LDLRAD3: variants seen among roughly 807,000 people sequenced by gnomAD.
LDLRAD3 encodes the protein low-density lipoprotein receptor class A domain-containing protein 3.
A neutral mutation model predicts 29.4 loss-of-function variants in LDLRAD3; 20 were observed. The ratio of observed to expected loss-of-function variants is 0.68; its 90% CI spans 0.48 to 0.99. The LOEUF is 0.99. Among genes scored for constraint, LDLRAD3 ranks in the 50% least tolerant of loss-of-function variants. The pLI, the probability that LDLRAD3 is intolerant of heterozygous loss-of-function variation, is 0.00. For synonymous variants in LDLRAD3, 157 were observed against 192.7 expected, an observed-to-expected ratio of 0.81 and a Z score of 1.53; for missense variants, 420 against 454.3, an observed-to-expected ratio of 0.92 and a Z score of 0.69.
At chr11:36,078,185 A>G (rs1211675860) in intron 2 of LDLRAD3, among the ~76,000 whole-genome samples, 1 of 152,134 alleles carries the variant, frequency 6.6e-6, no homozygotes, top group African/African-American at 2.4e-5. Flanking sequence ...GCAGGCCTGG[A>G]AAAGTTCCCA....
At chr11:36,128,013 A>T (rs1383286573) in intron 4 of LDLRAD3, among the ~76,000 whole-genome samples, 1 of 151,212 alleles carries the variant, frequency 6.6e-6, no homozygotes, top group Non-Finnish European at 1.5e-5. Context: ...TGGTGGATGT[A>T]CACCGAGGAG....
intron 4 of LDLRAD3, among the ~76,000 whole-genome samples, chr11:36,137,240 G>A (rs1250933532): frequency 1.3e-5 from 2 of 152,186 alleles, no homozygotes; most frequent in African/African-American, 2.4e-5. Context: ...CACTGTTTGT[G>A]TATGTAAATA....
At chr11:36,139,872 G>A (rs2133313621) in intron 4 of LDLRAD3, among the ~76,000 whole-genome samples, 1 of 152,320 alleles carries the variant, frequency 6.6e-6, no homozygotes, top group Non-Finnish European at 1.5e-5. Flanking sequence ...GGAAGGCTTG[G>A]CAGCAGGAAT....
chr11:36,148,319 A>G (rs10768195), intron 4 of LDLRAD3, among the ~76,000 whole-genome samples: 75,439 of 151,910 alleles, frequency 0.5, 19,726 homozygotes, highest in African/African-American at 0.65. Flanking sequence ...CACTTTAGGG[A>G]TCTGGAAGCG....
chr11:36,116,583 G>T (rs892007653), intron 4 of LDLRAD3, among the ~76,000 whole-genome samples: 2 of 152,080 alleles, frequency 1.3e-5, no homozygotes, highest in Non-Finnish European at 2.9e-5. Flanking sequence ...CACCTGGGAT[G>T]CATCCTTGGA....
chr11:35,991,165 C>T (rs116197689), intron 1 of LDLRAD3, among the ~76,000 whole-genome samples: 12 of 152,290 alleles, frequency 7.9e-5, no homozygotes, highest in East Asian at 3.9e-4. Flanking sequence ...TTCTAGGTTG[C>T]GTATAAGAGC....
intron 4 of LDLRAD3, among the ~76,000 whole-genome samples, chr11:36,185,375 A>G (rs1298863756): frequency 6.6e-6 from 1 of 152,250 alleles, no homozygotes; most frequent in Non-Finnish European, 1.5e-5. Flanking sequence ...ATTCCATAAA[A>G]GGTAAAAATC....
intron 4 of LDLRAD3, among the ~76,000 whole-genome samples, chr11:36,220,847 A>G (rs1444340568): frequency 6.6e-6 from 1 of 152,208 alleles, no homozygotes; most frequent in African/African-American, 2.4e-5. Flanking sequence ...GTCAGAATTC[A>G]TCTAATGGCA....
intron 1 of LDLRAD3, among the ~76,000 whole-genome samples, chr11:36,005,314 G>T (rs563605276): frequency 6.6e-6 from 1 of 152,302 alleles, no homozygotes; most frequent in African/African-American, 2.4e-5. Flanking sequence ...AATTTCTTCT[G>T]TGAGATACCC....
chr11:36,189,542 A>G (rs991034637), intron 4 of LDLRAD3, among the ~76,000 whole-genome samples: 1 of 151,248 alleles, frequency 6.6e-6, no homozygotes, highest in Non-Finnish European at 1.5e-5. Context: ...CTGCACCCCC[A>G]TCTACACCCT....
At chr11:36,128,375 C>T (rs1376010477) in intron 4 of LDLRAD3, among the ~76,000 whole-genome samples, 2 of 152,028 alleles carry the variant, frequency 1.3e-5, no homozygotes, top group Non-Finnish European at 1.5e-5. Flanking sequence ...CTGGATGCTT[C>T]AACAAGTGAA....
intron 4 of LDLRAD3, among the ~76,000 whole-genome samples, chr11:36,135,760 A>G (rs1377572501): frequency 2.0e-5 from 3 of 152,132 alleles, no homozygotes; most frequent in Non-Finnish European, 4.4e-5. Context: ...AAATCCAAAA[A>G]TTAGTTGGGT....
intron 4 of LDLRAD3, among the ~76,000 whole-genome samples, chr11:36,121,303 G>A (rs764320094): frequency 7.2e-5 from 11 of 152,128 alleles, no homozygotes; most frequent in Non-Finnish European, 1.3e-4. Flanking sequence ...GAAGACACCC[G>A]GGGGAGAGGA....
chr11:36,220,584 TAAG>T (rs985051988), intron 4 of LDLRAD3, among the ~76,000 whole-genome samples: 86 of 152,236 alleles, frequency 5.6e-4, no homozygotes, highest in African/African-American at 2.0e-3. Context: ...CACAAACCAT[TAAG>T]AAAGAATTGA....
At chr11:36,211,925 T>C (rs1855288487) in intron 4 of LDLRAD3, among the ~76,000 whole-genome samples, 1 of 152,168 alleles carries the variant, frequency 6.6e-6, no homozygotes, top group Non-Finnish European at 1.5e-5. Context: ...CTCAATAAAC[T>C]ATTGTATTGT....
chr11:36,170,336 A>ATGTT (rs1854580062), intron 4 of LDLRAD3, among the ~76,000 whole-genome samples: 1 of 149,852 alleles, frequency 6.7e-6, no homozygotes, highest in Non-Finnish European at 1.5e-5. Flanking sequence ...ATATGTACGT[A>ATGTT]TATACGTATA....
intron 4 of LDLRAD3, among the ~76,000 whole-genome samples, chr11:36,143,165 C>G (rs1290811518): frequency 6.6e-6 from 1 of 152,124 alleles, no homozygotes; most frequent in Non-Finnish European, 1.5e-5. Flanking sequence ...CCTGGGGTCA[C>G]CTAGGAGTGA....
At chr11:36,140,996 C>T (rs80169199) in intron 4 of LDLRAD3, among the ~76,000 whole-genome samples, 5 of 95,270 alleles carry the variant, frequency 5.2e-5, no homozygotes, top group African/African-American at 2.7e-4. Flanking sequence ...TGAGCTTTCT[C>T]TCTCTCTCTC....
chr11:35,948,967 C>T (rs1851096321), intron 1 of LDLRAD3, among the ~76,000 whole-genome samples: 1 of 152,190 alleles, frequency 6.6e-6, no homozygotes, highest in Non-Finnish European at 1.5e-5. Flanking sequence ...CCTGGTCTAG[C>T]ATGAGCAAGT....
Sources: allele counts gnomAD v4.1 joint callset (sites outside exome capture counted in the v4.1 genomes callset), GRCh38; gene constraint gnomAD v4.1.1; transcripts MANE v1.5; gene names NCBI Gene and HGNC (gene_info 2026-07-23, HGNC 2026-07-21).